The following DNAH8 variants were observed in gnomAD, a reference collection of about 807,000 sequenced individuals.
DNAH8 encodes axonemal beta dynein heavy chain 8.
DNAH8 carries 382 observed loss-of-function variants against 562.1 expected under a neutral mutation model. The observed-to-expected ratio is 0.68, with a 90% CI of 0.63 to 0.74. The LOEUF (loss-of-function observed/expected upper bound fraction) is 0.74, where lower values mean the gene tolerates loss of function less well. Among genes scored for constraint, DNAH8 ranks in the 30% least tolerant of loss-of-function variants. The probability of loss-of-function intolerance (pLI) is 0.00; values close to 1 mark genes in which losing one functional copy is unlikely to be tolerated. For synonymous variants in DNAH8, 1,881 were observed against 1,919.4 expected, an observed-to-expected ratio of 0.98 and a Z score of 0.52; for missense variants, 5,203 against 5,620.4, an observed-to-expected ratio of 0.93 and a Z score of 2.37.
In DNAH8 at chr6:38,917,910, A is replaced by G; in HGVS notation, c.10309-15A>G. 6.3e-7 allele frequency: 1 copy of G among 1,589,206 alleles called. No homozygotes were observed. The highest frequency in any genetic ancestry group is 2.2e-5 in the East Asian group (1 of 44,624). ...TTTTCTTCCAGAACTTACAGGTTAT[A>G]ATACTATTTTTCAGTTGATGAGTGC... On this transcript the variant is annotated splice_polypyrimidine_tract_variant and intron_variant, in intron 69 of 92. Transcript: ENST00000327475.
At chr6:38,784,811 A>G (rs911795952) in intron 17 of DNAH8, among the ~76,000 whole-genome samples, 14 of 152,230 alleles carry the variant, frequency 9.2e-5, no homozygotes, top group Non-Finnish European at 4.4e-5. Flanking sequence ...GCTCATTCAA[A>G]TTCAGATAGT....
At chr6:38,863,495 A>G (rs1028046334) in intron 44 of DNAH8, among the ~76,000 whole-genome samples, 2 of 151,786 alleles carry the variant, frequency 1.3e-5, no homozygotes, top group East Asian at 1.9e-4. Context: ...AGGTGCTCAG[A>G]CACAACAACA....
chr6:38,894,553 CGT>C (rs1319042921), intron 58 of DNAH8, 146 bp from the exon 59 acceptor site: 3 of 679,390 alleles, frequency 4.4e-6, no homozygotes, highest in Non-Finnish European at 7.4e-6. Context: ...TTTTTCTGTC[CGT>C]GTTGTCACAA....
At chr6:38,767,827 G>A (rs1460706746) in intron 11 of DNAH8, among the ~76,000 whole-genome samples, 4 of 152,166 alleles carry the variant, frequency 2.6e-5, no homozygotes, top group Admixed American at 6.5e-5. Flanking sequence ...AAGGGAAATT[G>A]TTGGGTCTTA....
chr6:38,823,196 A>G (rs922515790), intron 27 of DNAH8, among the ~76,000 whole-genome samples, 162 bp downstream of exon 27: 7 of 152,232 alleles, frequency 4.6e-5, no homozygotes, highest in African/African-American at 1.2e-4. Context: ...TAATTCTCAC[A>G]TGGACACACT....
In DNAH8 at chr6:38,798,074, A is replaced by G. The variant is rs557176542; in HGVS notation, c.2902-5105A>G. On this transcript the variant is annotated intron_variant, in intron 21 of 92. Transcript: ENST00000327475. The stretch of plus-strand genomic sequence containing the variant: ...GGGCCACAGAGCGAGACTCCGTCTC[A>G]AAAAAAAAAAAAAATCAACTTTGCT... 1.8e-4 allele frequency among the ~76,000 whole-genome samples: 25 copies of G among 137,084 alleles called. No individual in the cohort carries two copies. In the South Asian group the frequency reaches 5.3e-3, roughly 29 times the overall value. The allele number at this position is 137,084 out of a possible 152,430, so 89.9% of individuals were successfully genotyped here.
chr6:38,890,132 T>C (rs1206618577), intron 57 of DNAH8, among the ~76,000 whole-genome samples: 1 of 152,204 alleles, frequency 6.6e-6, no homozygotes, highest in Non-Finnish European at 1.5e-5. Context: ...GGTGACTGAC[T>C]GTAGGCTGGA....
Position 38,720,899 on chromosome 6 carries a change from A to T in DNAH8, c.-34-1877A>T, listed in dbSNP as rs183199591. ...GAAGGTTAACAAAGAGATTGAGATT[A>T]AAAAACCCAGAAATTTTGGAATTAA... On this transcript the variant is annotated intron_variant, in intron 1 of 92. Coordinates refer to ENST00000327475, the MANE Select transcript of DNAH8 (RefSeq NM_001206927.2). 3.2e-4 allele frequency among the ~76,000 whole-genome samples: 48 copies of T among 151,508 alleles called. 1 individual carries two copies. In the East Asian group the frequency reaches 7.6e-3, roughly 24 times the overall value.
Position 38,857,122 on chromosome 6 carries a change from G to A in DNAH8, c.5734-396G>A, listed in dbSNP as rs544579246. 3.9e-5 allele frequency among the ~76,000 whole-genome samples: 6 copies of A among 152,316 alleles called. No individual in the cohort carries two copies. The East Asian group carries it at 1.2e-3, about 29-fold the overall frequency. On this transcript the variant is annotated intron_variant, in intron 41 of 92. Coordinates refer to ENST00000327475, the MANE Select transcript of DNAH8 (RefSeq NM_001206927.2). ...GCAATCAAGAAAGGAGATAGGCAGTGTATTGTTTTTAGAAGAGCAGAGAGA... is the reference window on the plus strand; with the variant it reads ...GCAATCAAGAAAGGAGATAGGCAGTATATTGTTTTTAGAAGAGCAGAGAGA...
intron 88 of DNAH8, among the ~76,000 whole-genome samples, chr6:39,000,333 A>G (rs1314580566): frequency 1.3e-5 from 2 of 152,176 alleles, no homozygotes; most frequent in African/African-American, 4.8e-5. Context: ...GATCAAAGAA[A>G]GCTAGTGAGA....
intron 71 of DNAH8, among the ~76,000 whole-genome samples, chr6:38,922,634 A>G (rs1411251973): frequency 1.3e-5 from 2 of 152,186 alleles, no homozygotes; most frequent in Non-Finnish European, 2.9e-5. Flanking sequence ...AAGAGTTGAT[A>G]CAAGCCGGCT....
At position 38,899,823 on chromosome 6, in the gene DNAH8, T is replaced by C; in HGVS notation, c.9111T>C (p.Gly3037=). The part of the protein sequence containing the change: ...RTSCGNALLV[G]VGGSGKQSLS... ...CGTGTGGAAATGCATTGCTGGTGGG[T>C]GTTGGTGGTTCCGGAAAACAAAGTC... The change falls in exon 62 of 93, where the codon GGT becomes GGC. Residue 3037 remains glycine, a synonymous_variant. Coordinates refer to ENST00000327475, the MANE Select transcript of DNAH8 (RefSeq NM_001206927.2). The C allele has an allele frequency of 6.2e-7, 1 of 1,613,116 alleles. No individual in the cohort carries two copies. The highest frequency in any genetic ancestry group is 8.5e-7 in the Non-Finnish European group (1 of 1,179,648).
At chr6:38,749,984 C>T (rs901969351) in intron 8 of DNAH8, among the ~76,000 whole-genome samples, 2 of 152,162 alleles carry the variant, frequency 1.3e-5, no homozygotes, top group South Asian at 2.1e-4. Context: ...AGGCGCCCGC[C>T]GCCACGCCCA....
At chr6:38,948,126 T>A (rs1364394421) in intron 80 of DNAH8, among the ~76,000 whole-genome samples, 1 of 152,120 alleles carries the variant, frequency 6.6e-6, no homozygotes, top group Admixed American at 6.5e-5. Context: ...CTGTTATTAA[T>A]TTATACTCTA....
intron 52 of DNAH8, among the ~76,000 whole-genome samples, chr6:38,874,001 C>T (rs1008539701): frequency 2.0e-5 from 3 of 150,812 alleles, no homozygotes; most frequent in Admixed American, 6.6e-5. Flanking sequence ...TTTTCCCTTT[C>T]TTCCTTCCTT....
chr6:38,984,945 G>C (rs13203863), intron 87 of DNAH8, among the ~76,000 whole-genome samples: 3 of 151,992 alleles, frequency 2.0e-5, no homozygotes, highest in Non-Finnish European at 4.4e-5. Context: ...TCCATCTTCC[G>C]CATTCCTGTG....
chr6:38,897,356 G>A (rs574702497), intron 60 of DNAH8, among the ~76,000 whole-genome samples: 2 of 152,136 alleles, frequency 1.3e-5, no homozygotes, highest in East Asian at 1.9e-4. Flanking sequence ...AGACTGAATG[G>A]GCCTTAAAGC....
chr6:38,715,651 G>A (rs544766691), intron 1 of DNAH8, among the ~76,000 whole-genome samples: 1 of 151,776 alleles, frequency 6.6e-6, no homozygotes, highest in Admixed American at 6.6e-5. Context: ...CCCACTCCCC[G>A]TTTTGAGACT....
chr6:38,724,196 T>C (rs1395520685), intron 3 of DNAH8, among the ~76,000 whole-genome samples: 3 of 152,084 alleles, frequency 2.0e-5, no homozygotes, highest in Non-Finnish European at 2.9e-5. Flanking sequence ...TTGGCCAGGA[T>C]GGTCTTGATC....
Sources: allele counts gnomAD v4.1 joint callset (sites outside exome capture counted in the v4.1 genomes callset), GRCh38; gene constraint gnomAD v4.1.1; transcripts MANE v1.5; gene names NCBI Gene and HGNC (gene_info 2026-07-23, HGNC 2026-07-21).